ESRRB: variants seen among roughly 807,000 people sequenced by gnomAD.
ESRRB encodes the protein estrogen related receptor beta.
In ESRRB, 16 loss-of-function variants were observed where a neutral mutation model predicts 46.0. The ratio of observed to expected loss-of-function variants is 0.35; its 90% confidence interval spans 0.24 to 0.53. ESRRB has a LOEUF of 0.53. Among genes scored for constraint, ESRRB ranks in the 20% least tolerant of loss-of-function variants. The probability of loss-of-function intolerance (pLI) is 0.93; values close to 1 mark genes in which losing one functional copy is unlikely to be tolerated. For missense variants in ESRRB, 488 were observed against 607.4 expected, an observed-to-expected ratio of 0.80 and a Z score of 2.07; for synonymous variants, 246 against 259.6, an observed-to-expected ratio of 0.95 and a Z score of 0.50.
intron 3 of ESRRB, among the ~76,000 whole-genome samples, chr14:76,475,819 C>CA (rs547667887): frequency 3.7e-4 from 56 of 152,312 alleles, no homozygotes; most frequent in Middle Eastern, 3.4e-3. Context: ...TACATGGTTA[C>CA]ACCATTTTAC....
intron 1 of ESRRB, among the ~76,000 whole-genome samples, chr14:76,413,931 G>A (rs1381369022): frequency 1.6e-5 from 1 of 63,158 alleles, no homozygotes; most frequent in Admixed American, 2.0e-4. Flanking sequence ...CCCCTGCACC[G>A]TCCGCCGCCC....
intron 1 of ESRRB, among the ~76,000 whole-genome samples, chr14:76,423,058 A>G (rs148807259): frequency 0.01 from 1,577 of 152,194 alleles, 17 homozygotes; most frequent in Non-Finnish European, 0.015. Context: ...TAAGTTGCCA[A>G]CCCAACACAT....
At chr14:76,495,223 GCATCAACAGAACTTCTGTTGA>G (rs1304713302) in intron 6 of ESRRB, 70 of 152,176 alleles carry the variant, frequency 4.6e-4, no homozygotes, top group African/African-American at 1.6e-3. Context: ...ACTTCTGTTG[GCATCAACAGAACTTCTGTTGA>G]CATCAGACTT....
chr14:76,363,365 C>A (rs1359123168), intron 1 of ESRRB, among the ~76,000 whole-genome samples: 1 of 152,206 alleles, frequency 6.6e-6, no homozygotes, highest in Non-Finnish European at 1.5e-5. Flanking sequence ...CCTGCTCCAA[C>A]CAAGCAAATT....
chr14:76,409,989 TGAGG>T (rs1886363553), intron 1 of ESRRB, among the ~76,000 whole-genome samples: 1 of 152,044 alleles, frequency 6.6e-6, no homozygotes, highest in Non-Finnish European at 1.5e-5. Flanking sequence ...TTTGAGAGGC[TGAGG>T]GGGGTGGATC....
intron 1 of ESRRB, among the ~76,000 whole-genome samples, chr14:76,334,576 C>T (rs1467431231): frequency 6.6e-6 from 1 of 152,210 alleles, no homozygotes. Flanking sequence ...CATAACAAAA[C>T]AGAATGACAA....
intron 3 of ESRRB, among the ~76,000 whole-genome samples, chr14:76,465,353 A>T (rs994302019): frequency 6.6e-6 from 1 of 152,136 alleles, no homozygotes; most frequent in African/African-American, 2.4e-5. Context: ...GAGTCTCTTT[A>T]GGGGCTATGC....
chr14:76,313,361 C>T (rs1012669498), intron 1 of ESRRB, among the ~76,000 whole-genome samples: 2 of 152,000 alleles, frequency 1.3e-5, no homozygotes, highest in African/African-American at 4.8e-5. Flanking sequence ...GGTCACGGGG[C>T]TGTCTGTGAC....
chr14:76,362,736 A>T (rs1489838981), intron 1 of ESRRB, among the ~76,000 whole-genome samples: 10 of 152,280 alleles, frequency 6.6e-5, no homozygotes, highest in Admixed American at 5.2e-4. Context: ...GAGACCTAGG[A>T]GTGCCACAAA....
chr14:76,363,496 C>T (rs1219456305), intron 1 of ESRRB, among the ~76,000 whole-genome samples: 1 of 152,234 alleles, frequency 6.6e-6, no homozygotes, highest in Non-Finnish European at 1.5e-5. Context: ...GACCCTTTGG[C>T]ATCATTCCAT....
At chr14:76,438,356 C>A (rs1316449403) in intron 1 of ESRRB, among the ~76,000 whole-genome samples, 1 of 152,130 alleles carries the variant, frequency 6.6e-6, no homozygotes. Flanking sequence ...GCTGTACTGC[C>A]AAGACTGTTA....
At chr14:76,357,830 A>G (rs1884401613) in intron 1 of ESRRB, among the ~76,000 whole-genome samples, 1 of 152,188 alleles carries the variant, frequency 6.6e-6, no homozygotes, top group African/African-American at 2.4e-5. Flanking sequence ...CGTTTTAAAT[A>G]GTGTTTATGA....
chr14:76,368,629 C>T (rs1884554747), upstream of ESRRB, among the ~76,000 whole-genome samples: 2 of 152,166 alleles, frequency 1.3e-5, no homozygotes, highest in Non-Finnish European at 2.9e-5. Flanking sequence ...TGTAGTTTCC[C>T]TTGCTGCTTT....
Position 76,359,081 on chromosome 14 carries a change from C to T in ESRRB, c.2+48165C>T, listed in dbSNP as rs1884433196. Reference sequence around the variant, plus strand: ...ACCAAGCATGTTGGTAGGGGAAGACCATTGCTGAGAAACATCGCCACATGT... The same window carrying T: ...ACCAAGCATGTTGGTAGGGGAAGACTATTGCTGAGAAACATCGCCACATGT... On this transcript the variant is annotated intron_variant, in intron 1 of 6. Transcript: ENST00000512784. 3.9e-5 allele frequency among the ~76,000 whole-genome samples: 6 copies of T among 152,222 alleles called. No individual in the cohort carries two copies. The South Asian group carries it at 1.2e-3, about 32-fold the overall frequency.
intron 1 of ESRRB, among the ~76,000 whole-genome samples, chr14:76,340,023 C>T (rs549943654): frequency 2.6e-5 from 4 of 152,126 alleles, no homozygotes; most frequent in Admixed American, 6.5e-5. Context: ...AGTTCCATCT[C>T]GGGGCAGGCG....
chr14:76,322,682 A>G (rs1883881646), intron 1 of ESRRB, among the ~76,000 whole-genome samples: 1 of 152,180 alleles, frequency 6.6e-6, no homozygotes, highest in Non-Finnish European at 1.5e-5. Flanking sequence ...TCATCCCTCC[A>G]TGTGGGCTGT....
chr14:76,312,273 T>C (rs1275585440), intron 1 of ESRRB, among the ~76,000 whole-genome samples: 4 of 152,224 alleles, frequency 2.6e-5, no homozygotes, highest in Non-Finnish European at 5.9e-5. Context: ...GAAAGTTAAA[T>C]AAATATGGAT....
Position 76,459,211 on chromosome 14 carries a change from A to G in ESRRB, c.461-3334A>G, listed in dbSNP as rs1201029424. Among the ~76,000 whole-genome samples the G allele has an allele frequency of 4.6e-5, 7 of 152,176 alleles. No homozygotes were observed. The South Asian group carries it at 1.2e-3, about 27-fold the overall frequency. The stretch of plus-strand genomic sequence containing the variant: ...TTGCTGGGAACATGAAATCCTTGGG[A>G]TCTGTAAAGCAGAGCTGTGGCTGCT... On this transcript the variant is annotated intron_variant, in intron 2 of 6. Transcript: ENST00000644823.
At chr14:76,478,703 CA>C in intron 3 of ESRRB, among the ~76,000 whole-genome samples, 1 of 151,964 alleles carries the variant, frequency 6.6e-6, no homozygotes, top group Non-Finnish European at 1.5e-5. Flanking sequence ...CAAGGGGAAG[CA>C]GAACTTGGTG....
Sources: gnomAD v4.1 joint callset for allele counts (sites outside exome capture counted in the v4.1 genomes callset) on GRCh38, gnomAD v4.1.1 for gene constraint, MANE v1.5 for transcripts, NCBI Gene and HGNC (gene_info 2026-07-23, HGNC 2026-07-21) for gene names.